SIRT2: variants seen among roughly 807,000 people sequenced by gnomAD.
The protein encoded by SIRT2 is sirtuin 2.
A neutral mutation model predicts 57.4 loss-of-function variants in SIRT2; 40 were observed. The ratio of observed to expected loss-of-function variants is 0.70; its 90% CI spans 0.54 to 0.91. SIRT2 has a LOEUF of 0.91. Ranked by LOEUF, SIRT2 falls within the 40% of genes least tolerant of loss-of-function variation. The probability of loss-of-function intolerance (pLI) is 0.00; values close to 1 mark genes in which losing one functional copy is unlikely to be tolerated. For synonymous variants in SIRT2, 161 were observed against 195.7 expected, an observed-to-expected ratio of 0.82 and a Z score of 1.48; for missense variants, 439 against 510.4, an observed-to-expected ratio of 0.86 and a Z score of 1.35.
intron 7 of SIRT2, 133 bp downstream of exon 7, chr19:38,889,556 C>T (rs544153602): frequency 1.6e-5 from 16 of 994,976 alleles, no homozygotes; most frequent in African/African-American, 3.2e-5. Flanking sequence ...GGACTTGAAC[C>T]GAGGCAGTCT....
chr19:38,889,181 TGAC>T, intron 7 of SIRT2, 26 bp from the exon 8 acceptor site: 1 of 1,608,174 alleles, frequency 6.2e-7, no homozygotes, highest in Non-Finnish European at 8.5e-7. Flanking sequence ...ACAGCACTGC[TGAC>T]GACTGCAGGG....
intron 9 of SIRT2, among the ~76,000 whole-genome samples, 190 bp from the exon 10 acceptor site, chr19:38,881,681 TGTTTTTTTC>T (rs1459292977): frequency 1.3e-5 from 2 of 152,012 alleles, no homozygotes; most frequent in Non-Finnish European, 2.9e-5. Context: ...GCATTTTTTT[TGTTTTTTTC>T]TTTCTTTTTT....
intron 8 of SIRT2, among the ~76,000 whole-genome samples, chr19:38,886,452 GT>G (rs142521046): frequency 0.17 from 24,438 of 142,066 alleles, 2,690 homozygotes; most frequent in African/African-American, 0.34. Flanking sequence ...TGACAACATG[GT>G]TTTTTTTTTT....
rs186885436 is a variant in SIRT2 at position 38,891,648 on chromosome 19, A to G, written c.227-1504T>C. On this transcript the variant is annotated intron_variant, in intron 4 of 15. Transcript: ENST00000249396. ...GGGGGTCTCGCTTATTGCCCAGGCTAGTCTTGACCTACTGGCCTCAAGCGA... is the reference window on the plus strand; with the variant it reads ...GGGGGTCTCGCTTATTGCCCAGGCTGGTCTTGACCTACTGGCCTCAAGCGA... The G allele has an allele frequency of 3.2e-3, 979 of 309,282 alleles. 5 individuals are homozygous for G. Among genetic ancestry groups the G allele is most frequent in the Middle Eastern group, 0.011 (9 of 824 alleles). The allele number at this position is 309,282 out of a possible 1,614,324, so 19.2% of individuals were successfully genotyped here. A position where few individuals can be genotyped will look rare whatever the true frequency, so the allele number is the denominator to read the frequency against.
At chr19:38,885,981 AAAC>A (rs1373483552) in intron 8 of SIRT2, among the ~76,000 whole-genome samples, 5 of 152,182 alleles carry the variant, frequency 3.3e-5, no homozygotes, top group Non-Finnish European at 7.4e-5. Context: ...ATTTTTCTTA[AAAC>A]AACCACCCCC....
At position 38,883,075 on chromosome 19, in the gene SIRT2, GT is replaced by G. The variant is rs61706756; in HGVS notation, c.631+551del. Among the ~76,000 whole-genome samples, 617 of 110,392 alleles carry G rather than the reference GT, an allele frequency of 5.6e-3. 2 individuals are homozygous for G. Among genetic ancestry groups the G allele is most frequent in the African/African-American group, 0.018 (477 of 27,158 alleles). 72.4% of individuals were successfully genotyped at this position (110,392 alleles called of 152,430 possible). ...CCATGAGTGGAATAAGTGACTTCTT[GT>G]TTTTTTTTTTTTTTTTTTTTTGAGA... On this transcript the variant is annotated intron_variant, in intron 9 of 15. Coordinates refer to ENST00000249396, the MANE Select transcript of SIRT2 (RefSeq NM_012237.4).
chr19:38,889,062 TC>T, intron 8 of SIRT2, 24 bp downstream of exon 8: 2 of 1,606,004 alleles, frequency 1.2e-6, no homozygotes, highest in Non-Finnish European at 1.7e-6. Flanking sequence ...CCCATCCTCC[TC>T]CCAGGATGCT....
rs1265668503 is a variant in SIRT2 at position 38,889,174 on chromosome 19, G to C, written c.433-19C>G. ...TGGTTGGCTGCAGGGAAGAGCGACA[G>C]CACTGCTGACGACTGCAGGGAACAG... is the stretch of plus-strand genomic sequence containing the variant. On this transcript the variant is annotated intron_variant, in intron 7 of 15. Transcript: ENST00000249396. 2.5e-6 allele frequency: 4 copies of C among 1,611,266 alleles called. No homozygotes were observed. The East Asian group carries it at 8.9e-5, about 36-fold the overall frequency.
At chr19:38,890,076 A>G in intron 5 of SIRT2, 27 bp downstream of exon 5, 1 of 1,614,102 alleles carries the variant, frequency 6.2e-7, no homozygotes, top group Non-Finnish European at 8.5e-7. Flanking sequence ...TCCTGGGGGT[A>G]GCTGCTGGGG....
At chr19:38,889,658 T>C in intron 7 of SIRT2, 31 bp downstream of exon 7, 2 of 1,612,954 alleles carry the variant, frequency 1.2e-6, no homozygotes, top group South Asian at 2.2e-5. Flanking sequence ...CAACCCTTCC[T>C]GTTTCGCCCC....
chr19:38,884,762 T>C (rs1973273797), intron 8 of SIRT2, among the ~76,000 whole-genome samples: 1 of 151,996 alleles, frequency 6.6e-6, no homozygotes, highest in Non-Finnish European at 1.5e-5. Context: ...TTTTTATGTA[T>C]TTGAGACAAG....
At chr19:38,893,927 G>GA in intron 2 of SIRT2, 60 bp from the exon 3 acceptor site, 1 of 1,609,710 alleles carries the variant, frequency 6.2e-7, no homozygotes, top group East Asian at 2.2e-5. Flanking sequence ...GGGAGGAGAG[G>GA]GGGTGATACC....
At chr19:38,884,222 A>AT (rs1973254127) in intron 8 of SIRT2, among the ~76,000 whole-genome samples, 2 of 151,080 alleles carry the variant, frequency 1.3e-5, no homozygotes, top group Non-Finnish European at 2.9e-5. Context: ...ATTTGCTTTC[A>AT]TTTTTCAGAA....
chr19:38,896,972 A>G (rs1213822859), intron 2 of SIRT2, among the ~76,000 whole-genome samples: 2 of 152,128 alleles, frequency 1.3e-5, no homozygotes, highest in Non-Finnish European at 2.9e-5. Flanking sequence ...GGGGCCTTCA[A>G]GCTCCTATGA....
At chr19:38,895,602 C>A (rs1486883204) in intron 2 of SIRT2, among the ~76,000 whole-genome samples, 1 of 152,228 alleles carries the variant, frequency 6.6e-6, no homozygotes, top group Non-Finnish European at 1.5e-5. Context: ...TAAGACCCTC[C>A]CTTCCGAACA....
rs774091957 is a variant in SIRT2 at position 38,879,325 on chromosome 19, G to T, written c.1015-15C>A. 6.2e-7 allele frequency: 1 copy of T among 1,613,192 alleles called. No homozygotes were observed. Among genetic ancestry groups the T allele is most frequent in the East Asian group, 2.2e-5 (1 of 44,866 alleles). On this transcript the variant is annotated splice_polypyrimidine_tract_variant and intron_variant, in intron 15 of 15. Transcript: ENST00000249396. ...TCCAGCTCCTTCTGCAGGAGCAAAGGTCACAGAAGTCAAAGGTCACTGTGC... is the reference window on the plus strand; with the variant it reads ...TCCAGCTCCTTCTGCAGGAGCAAAGTTCACAGAAGTCAAAGGTCACTGTGC...
At chr19:38,881,575 C>A in intron 9 of SIRT2, 84 bp from the exon 10 acceptor site, 1 of 1,070,644 alleles carries the variant, frequency 9.3e-7, no homozygotes, top group Non-Finnish European at 1.4e-6. Context: ...CACCCCTCTT[C>A]CACTGTTAAC....
chr19:38,880,730 G>T lies in SIRT2; in HGVS notation c.831C>A (p.Pro277=), dbSNP rs1973121681. The T allele has an allele frequency of 6.2e-7, 1 of 1,606,532 alleles. No homozygotes were observed. Among genetic ancestry groups the T allele is most frequent in the East Asian group, 2.2e-5 (1 of 44,688 alleles). Residue 277 remains proline (P), a synonymous_variant, in exon 13 of 16, where the codon CCC becomes CCA. Coordinates refer to ENST00000249396, the MANE Select transcript of SIRT2 (RefSeq NM_012237.4). This position sits in a 1 kb window ranked among gnomAD's most constrained non-coding sequence, Gnocchi z 4.1. ...TGATGAGCAGGCGAGGGGTGGAGAG[G>T]GGTGCCCTGTGGGGAGGGGGAGCTA... ...QPFASLISKA[P]LSTPRLLINK...
In SIRT2 at chr19:38,879,688, C is replaced by A; in HGVS notation, c.891G>T (p.Leu297=). Residue 297 remains leucine (L), a synonymous_variant, in exon 14 of 16, where the codon CTG becomes CTT. Coordinates refer to ENST00000249396, the MANE Select transcript of SIRT2 (RefSeq NM_012237.4). ...CTCCTCCGAGGCCCATAATCATCCC[C>A]AGGAAAGGGTCCGACTGTCAGGGAG... ...KEKAGQSDPF[L]GMIMGLGGGM... 6.4e-7 allele frequency: 1 copy of A among 1,571,156 alleles called. No individual in the cohort carries two copies. The highest frequency in any genetic ancestry group is 2.4e-5 in the East Asian group (1 of 42,428).
Sources: gnomAD v4.1 joint callset for allele counts (sites outside exome capture counted in the v4.1 genomes callset) on GRCh38, gnomAD v4.1.1 for gene constraint, Gnocchi (gnomAD v3.1) non-coding constraint, MANE v1.5 for transcripts, NCBI Gene and HGNC (gene_info 2026-07-23, HGNC 2026-07-21) for gene names.